NALF1: variants seen among roughly 807,000 people sequenced by gnomAD.
The protein encoded by NALF1 is family with sequence similarity 155 member A.
A neutral mutation model predicts 48.4 loss-of-function variants in NALF1; 3 were observed. That is an observed-to-expected ratio of 0.06 (90% CI 0.03 to 0.16). NALF1 has a LOEUF of 0.16. NALF1 is among the 10% of genes least tolerant of loss of function. The pLI, the probability that NALF1 is intolerant of heterozygous loss-of-function variation, is 1.00. For synonymous variants in NALF1, 262 were observed against 245.7 expected, an observed-to-expected ratio of 1.07 and a Z score of -0.62; for missense variants, 526 against 571.5, an observed-to-expected ratio of 0.92 and a Z score of 0.81.
In NALF1 at chr13:107,866,237, G is replaced by A; in HGVS notation, c.360C>T (p.His120=). Residue 120 remains histidine (H), a synonymous_variant, in exon 1 of 3, where the codon CAC becomes CAT. Coordinates refer to ENST00000375915, the MANE Select transcript of NALF1 (RefSeq NM_001080396.3). This position sits in a 1 kb window ranked among gnomAD's most constrained non-coding sequence, Gnocchi z 4.4. ...MGESSPAAQA[H]RLLSASSSPT... The stretch of plus-strand genomic sequence containing the variant: ...GGGACGAGGAGGCGGAGAGGAGTCT[G>A]TGTGCCTGGGCGGCGGGCGAGGACT... 1.9e-6 allele frequency: 3 copies of A among 1,594,180 alleles called. No individual in the cohort carries two copies. Among genetic ancestry groups the A allele is most frequent in the Non-Finnish European group, 2.6e-6 (3 of 1,171,810 alleles).
chr13:107,180,510 T>C (rs1566443193), intron 2 of NALF1, among the ~76,000 whole-genome samples: 1 of 152,052 alleles, frequency 6.6e-6, no homozygotes, highest in African/African-American at 2.4e-5. Flanking sequence ...ACTTTAAAAT[T>C]ATAAAATAAT....
At chr13:107,170,844 G>A (rs1196227785) in intron 2 of NALF1, 58 bp from the exon 3 acceptor site, 2 of 1,495,964 alleles carry the variant, frequency 1.3e-6, no homozygotes, top group Non-Finnish European at 9.2e-7. Flanking sequence ...CGACATAGTA[G>A]AGTGAAGCTG....
chr13:107,340,298 G>T (rs1053562716), intron 1 of NALF1, among the ~76,000 whole-genome samples: 1 of 150,688 alleles, frequency 6.6e-6, no homozygotes, highest in Non-Finnish European at 1.5e-5. Context: ...CCACCAACAC[G>T]CCCGGCTAAT....
intron 1 of NALF1, among the ~76,000 whole-genome samples, chr13:107,734,777 T>C (rs1229970232): frequency 1.3e-5 from 2 of 152,078 alleles, no homozygotes; most frequent in Non-Finnish European, 2.9e-5. Context: ...CCATTAATAA[T>C]GATGATGATG....
At chr13:107,301,431 A>G (rs1881835223) in intron 1 of NALF1, among the ~76,000 whole-genome samples, 1 of 152,246 alleles carries the variant, frequency 6.6e-6, no homozygotes, top group Admixed American at 6.5e-5. Flanking sequence ...AACATAAAGT[A>G]GTAGCCTCCA....
At position 107,839,953 on chromosome 13, in the gene NALF1, A is replaced by G. The variant is rs139999960; in HGVS notation, c.915+25729T>C. Among the ~76,000 whole-genome samples, 1,056 of 152,300 alleles carry G rather than the reference A, an allele frequency of 6.9e-3. 13 individuals are homozygous for G. The highest frequency in any genetic ancestry group is 0.024 in the African/African-American group (1,005 of 41,552). ...ACAAACACAAATATTCTACAAATGC[A>G]TATATACCATGGACTTGCAATGCTC... On this transcript the variant is annotated intron_variant, in intron 1 of 2. Coordinates refer to ENST00000375915, the MANE Select transcript of NALF1 (RefSeq NM_001080396.3).
At chr13:107,395,167 G>A (rs1883691354) in intron 1 of NALF1, among the ~76,000 whole-genome samples, 1 of 152,108 alleles carries the variant, frequency 6.6e-6, no homozygotes, top group African/African-American at 2.4e-5. Flanking sequence ...GTAAATGTTG[G>A]TTGCCATTCT....
At position 107,626,297 on chromosome 13, in the gene NALF1, C is replaced by T. The variant is rs192427597; in HGVS notation, c.915+239385G>A. 4.8e-3 allele frequency among the ~76,000 whole-genome samples: 737 copies of T among 151,964 alleles called. 4 individuals are homozygous for T. The highest frequency in any genetic ancestry group is 8.7e-3 in the South Asian group (42 of 4,804). ...CAATGAGATACTGGCTAAGGGAAAC[C>T]CTCATACACAGTTGGTAGAAATACA... On this transcript the variant is annotated intron_variant, in intron 1 of 2. Transcript: ENST00000375915.
intron 1 of NALF1, among the ~76,000 whole-genome samples, chr13:107,258,756 G>A (rs1361032551): frequency 6.6e-6 from 1 of 152,008 alleles, no homozygotes; most frequent in Non-Finnish European, 1.5e-5. Context: ...AGAATGATGA[G>A]TGGCCTACAA....
At chr13:107,819,345 A>T (rs1879285655) in intron 1 of NALF1, among the ~76,000 whole-genome samples, 1 of 152,196 alleles carries the variant, frequency 6.6e-6, no homozygotes, top group African/African-American at 2.4e-5. Context: ...AAGCAAATTA[A>T]TGATTACATG....
intron 1 of NALF1, among the ~76,000 whole-genome samples, chr13:107,792,637 T>C (rs1299105091): frequency 6.6e-6 from 1 of 152,166 alleles, no homozygotes; most frequent in Non-Finnish European, 1.5e-5. Context: ...CGAGTTTGAC[T>C]TAATGAAATA....
intron 1 of NALF1, among the ~76,000 whole-genome samples, chr13:107,639,586 T>C (rs1880093742): frequency 6.7e-6 from 1 of 148,722 alleles, no homozygotes; most frequent in Non-Finnish European, 1.5e-5. Flanking sequence ...TTGCAGCCTG[T>C]GCATAGCCCC....
chr13:107,459,018 A>C (rs1196834806), intron 1 of NALF1, among the ~76,000 whole-genome samples: 1 of 152,064 alleles, frequency 6.6e-6, no homozygotes, highest in Non-Finnish European at 1.5e-5. Context: ...TTTACATACA[A>C]CACCAAAAAC....
chr13:107,432,766 C>G (rs1368856680), intron 1 of NALF1, among the ~76,000 whole-genome samples: 4 of 152,170 alleles, frequency 2.6e-5, no homozygotes, highest in Non-Finnish European at 5.9e-5. Flanking sequence ...AGCCTGTTAC[C>G]TATGCTATCT....
chr13:107,180,679 A>C (rs1323541719), intron 2 of NALF1, among the ~76,000 whole-genome samples: 12 of 151,808 alleles, frequency 7.9e-5, no homozygotes, highest in Admixed American at 7.9e-4. Flanking sequence ...CATATATAAA[A>C]ATATATTTAA....
At chr13:107,527,708 G>A (rs925790740) in intron 1 of NALF1, among the ~76,000 whole-genome samples, 4 of 152,050 alleles carry the variant, frequency 2.6e-5, no homozygotes, top group Admixed American at 6.6e-5. Context: ...TCTCCTGGGA[G>A]TGAATAAGTC....
intron 1 of NALF1, among the ~76,000 whole-genome samples, chr13:107,543,118 C>T (rs1009892945): frequency 1.3e-5 from 2 of 151,794 alleles, no homozygotes; most frequent in Non-Finnish European, 2.9e-5. Context: ...TAACAGACTA[C>T]CTGAATATTA....
intron 1 of NALF1, among the ~76,000 whole-genome samples, chr13:107,754,535 G>A (rs1483504653): frequency 1.3e-5 from 2 of 152,068 alleles, no homozygotes; most frequent in Non-Finnish European, 2.9e-5. Flanking sequence ...GGGCAAACAT[G>A]TAGATCACTA....
At chr13:107,331,580 T>A (rs537703381) in intron 1 of NALF1, among the ~76,000 whole-genome samples, 13 of 152,186 alleles carry the variant, frequency 8.5e-5, no homozygotes, top group Non-Finnish European at 1.6e-4. Flanking sequence ...ATCTAATACC[T>A]TGTAGACGTT....
Sources: allele counts gnomAD v4.1 joint callset (sites outside exome capture counted in the v4.1 genomes callset), GRCh38; gene constraint gnomAD v4.1.1; non-coding constraint Gnocchi (gnomAD v3.1); transcripts MANE v1.5; gene names NCBI Gene and HGNC (gene_info 2026-07-23, HGNC 2026-07-21).